Variants in CC2D2A observed in about 807,000 individuals in gnomAD.
CC2D2A encodes coiled-coil and C2 domain containing 2A.
Under a neutral mutation model 212.9 loss-of-function variants are expected in CC2D2A, and 155 were observed. That is an observed-to-expected ratio of 0.73 (90% CI 0.64 to 0.83). The LOEUF is 0.83. Ranked by LOEUF, CC2D2A falls within the 40% of genes least tolerant of loss-of-function variation. The pLI, the probability that CC2D2A is intolerant of heterozygous loss-of-function variation, is 0.00. For missense variants in CC2D2A, 1,856 were observed against 1,956.2 expected, an observed-to-expected ratio of 0.95 and a Z score of 0.97; for synonymous variants, 667 against 686.5, an observed-to-expected ratio of 0.97 and a Z score of 0.44.
chr4:15,554,767 C>T (rs1719194347), intron 19 of CC2D2A, among the ~76,000 whole-genome samples: 1 of 152,216 alleles, frequency 6.6e-6, no homozygotes, highest in Non-Finnish European at 1.5e-5. Context: ...TGTGGGCTTC[C>T]AGCACCAGAT....
intron 6 of CC2D2A, among the ~76,000 whole-genome samples, chr4:15,507,792 G>T (rs897973979): frequency 2.0e-5 from 3 of 152,196 alleles, no homozygotes; most frequent in African/African-American, 7.2e-5. Context: ...AAAGTCTGTT[G>T]GGCCCGCAGA....
At chr4:15,526,476 T>C (rs1717515983) in intron 11 of CC2D2A, among the ~76,000 whole-genome samples, 1 of 152,204 alleles carries the variant, frequency 6.6e-6, no homozygotes, top group African/African-American at 2.4e-5. Flanking sequence ...TTGCTGAACA[T>C]GTTACCCATA....
Position 15,533,310 on chromosome 4 carries a change from T to C in CC2D2A, c.1584T>C (p.Thr528=). 1.9e-6 allele frequency: 3 copies of C among 1,575,860 alleles called. No individual in the cohort carries two copies. The highest frequency in any genetic ancestry group is 2.6e-6 in the Non-Finnish European group (3 of 1,161,816). ...GAGAGTTCCAGAGATTTACAAATAC[T>C]CCCTTGAAACTTGTTTTGAGAAAGT... ...SLREFQRFTN[T]PLKLVLRKEK... The change falls in exon 14 of 37, where the codon ACT becomes ACC. Residue 528 remains threonine, a synonymous_variant. Transcript: ENST00000424120.
At chr4:15,597,860 G>A (rs934060650) in intron 35 of CC2D2A, among the ~76,000 whole-genome samples, 3 of 152,226 alleles carry the variant, frequency 2.0e-5, no homozygotes, top group African/African-American at 7.2e-5. Flanking sequence ...ATGAGTCTCT[G>A]TAATTCTCAT....
rs1057024311 is a variant in CC2D2A, at chr4:15,515,939, G to A, written c.952G>A (p.Val318Ile). 3 of 1,569,866 alleles carry A rather than the reference G, an allele frequency of 1.9e-6. No homozygotes were observed. Among genetic ancestry groups the A allele is most frequent in the Non-Finnish European group, 2.6e-6 (3 of 1,157,198 alleles). ...FLEDEGLYTG[V>I]RPEVARTNQN... ...GGAAGATGAAGGCCTTTACACCGGG[G>A]TAAGACCAGAGGTGGCACGCACCAA... The change falls in exon 10 of 37, where the codon GTA (valine) becomes ATA (isoleucine). Residue 318 changes from valine (V) to isoleucine (I), a missense_variant. By Grantham distance (29) the Val-to-Ile change is conservative. This residue lies in a region of CC2D2A where 1,512 missense variants were observed against 1,579.3 expected (regional missense o/e 0.96). Coordinates refer to ENST00000424120, the MANE Select transcript of CC2D2A (RefSeq NM_001378615.1).
At chr4:15,493,268 A>ATTTATTTATTTG in intron 4 of CC2D2A, among the ~76,000 whole-genome samples, 1 of 150,656 alleles carries the variant, frequency 6.6e-6, no homozygotes, top group Middle Eastern at 3.4e-3. Context: ...TTATTTATTT[A>ATTTATTTATTTG]TTTACTTACT....
intron 23 of CC2D2A, 109 bp from the exon 24 acceptor site, chr4:15,563,246 G>A: frequency 9.2e-7 from 1 of 1,083,594 alleles, no homozygotes; most frequent in Non-Finnish European, 1.3e-6. Flanking sequence ...AGGACAAGGA[G>A]TTTTTCAGGG....
intron 17 of CC2D2A, 49 bp downstream of exon 17, chr4:15,541,063 G>A: frequency 7.0e-7 from 1 of 1,436,792 alleles, no homozygotes; most frequent in South Asian, 1.5e-5. Context: ...GCTCATGCCT[G>A]TACTTTGGGA....
At chr4:15,574,519 A>T (rs1720311484) in intron 29 of CC2D2A, among the ~76,000 whole-genome samples, 193 bp downstream of exon 29, 1 of 152,230 alleles carries the variant, frequency 6.6e-6, no homozygotes, top group Admixed American at 6.5e-5. Context: ...TCACTGAACC[A>T]GTAATCGGGT....
chr4:15,478,839 TGTC>T (rs1023647045), intron 3 of CC2D2A, 33 bp downstream of exon 3: 1 of 1,506,908 alleles, frequency 6.6e-7, no homozygotes, highest in African/African-American at 1.4e-5. Context: ...GTCTGCGTAT[TGTC>T]ATTGATCAAC....
At position 15,559,188 on chromosome 4, in the gene CC2D2A, C is replaced by T; in HGVS notation, c.2853C>T (p.Asp951=). ...VFQDYEKRLR[D]RNVIETKEHI... ...AGGACTATGAGAAACGGTTACGAGA[C>T]AGAAATGTAATAGAAACCAAGGAAC... Residue 951 remains aspartate (D), a synonymous_variant, in exon 22 of 37, where the codon GAC becomes GAT. Coordinates refer to ENST00000424120, the MANE Select transcript of CC2D2A (RefSeq NM_001378615.1). 1 of 1,551,250 alleles carries T rather than the reference C, an allele frequency of 6.4e-7. No homozygotes were observed. Among genetic ancestry groups the T allele is most frequent in the Non-Finnish European group, 8.7e-7 (1 of 1,147,234 alleles).
intron 33 of CC2D2A, among the ~76,000 whole-genome samples, chr4:15,591,124 G>A (rs564988650): frequency 1.6e-4 from 24 of 151,878 alleles, no homozygotes; most frequent in Non-Finnish European, 2.8e-4. Flanking sequence ...ATATATTTTC[G>A]TATCAATATA....
At position 15,538,110 on chromosome 4, in the gene CC2D2A, G is replaced by A; in HGVS notation, c.1976G>A (p.Ser659Asn). 6.3e-7 allele frequency: 1 copy of A among 1,596,998 alleles called. No homozygotes were observed. The highest frequency in any genetic ancestry group is 8.5e-7 in the Non-Finnish European group (1 of 1,171,008). The change falls in exon 16 of 37, where the codon AGC (serine) becomes AAC (asparagine). Residue 659 changes from serine (S) to asparagine (N), a missense_variant. Physicochemically the swap from Ser to Asn is conservative, Grantham distance 46. This residue lies in a region of CC2D2A where 1,512 missense variants were observed against 1,579.3 expected (regional missense o/e 0.96). Transcript: ENST00000424120. The stretch of plus-strand genomic sequence containing the variant: ...GTCCCGGAGCTAAGCCTGGCAGGAA[G>A]CGTAACACCCAATGACCAGTGCCCC... The part of the protein sequence containing the change: ...TLVPELSLAG[S>N]VTPNDQCPRA...
At position 15,538,146 on chromosome 4, in the gene CC2D2A, A is replaced by C; in HGVS notation, c.2003+9A>C. 1 of 1,540,946 alleles carries C rather than the reference A, an allele frequency of 6.5e-7. No individual in the cohort carries two copies. The highest frequency in any genetic ancestry group is 8.8e-7 in the Non-Finnish European group (1 of 1,141,032). On this transcript the variant is annotated intron_variant, in intron 16 of 36. Coordinates refer to ENST00000424120, the MANE Select transcript of CC2D2A (RefSeq NM_001378615.1). ...AATGACCAGTGCCCCAGGTGAGTGG[A>C]TGCTCCGACCGTAAATGAGGCTGAC...
intron 20 of CC2D2A, 22 bp from the exon 21 acceptor site, chr4:15,557,282 T>C (rs770430644): frequency 1.3e-6 from 2 of 1,576,892 alleles, no homozygotes; most frequent in African/African-American, 2.7e-5. Flanking sequence ...ATCTGGAGTT[T>C]TGCATTTTCC....
At chr4:15,529,904 TTTATTA>T (rs199823724) in intron 13 of CC2D2A, among the ~76,000 whole-genome samples, 6,940 of 150,286 alleles carry the variant, frequency 0.046, 467 homozygotes, top group East Asian at 0.25. Context: ...TTTTTTTAAT[TTTATTA>T]TTATTAAGTT....
rs760513186 is a variant in CC2D2A at position 15,502,889 on chromosome 4, G to A, written c.404G>A (p.Ser135Asn). Residue 135 changes from serine to asparagine, a missense_variant, in exon 6 of 37, where the codon AGT (serine) becomes AAT (asparagine). Physicochemically the swap from Ser to Asn is conservative, Grantham distance 46 (BLOSUM62 1). Around this residue, in one of 5 missense-constraint regions of CC2D2A, gnomAD observed 1,512 missense variants for 1,579.3 expected, o/e 0.96. Transcript: ENST00000424120. ...TPRPRRLRSPSKKELETEFGT... is the reference protein window; with the variant it reads ...TPRPRRLRSPNKKELETEFGT... ...CGGCCCAGACGCTTACGAAGTCCCA[G>A]TAAGAAAGAATTGGAGACTGAATTT... The A allele has an allele frequency of 6.2e-7, 1 of 1,611,128 alleles. No homozygotes were observed. The highest frequency in any genetic ancestry group is 1.1e-5 in the South Asian group (1 of 90,118).
chr4:15,559,553 G>C (rs556673330), intron 22 of CC2D2A, among the ~76,000 whole-genome samples: 4 of 152,142 alleles, frequency 2.6e-5, no homozygotes, highest in African/African-American at 4.8e-5. Context: ...GTTGCATTGC[G>C]TTACAATGAT....
chr4:15,483,863 T>C (rs1417151938), intron 4 of CC2D2A, among the ~76,000 whole-genome samples: 1 of 152,210 alleles, frequency 6.6e-6, no homozygotes, highest in Non-Finnish European at 1.5e-5. Context: ...TTATTAAGCT[T>C]GTGATTGAAA....
Sources: allele counts gnomAD v4.1 joint callset (sites outside exome capture counted in the v4.1 genomes callset), GRCh38; gene constraint gnomAD v4.1.1; regional missense constraint gnomAD v4.1.1; transcripts MANE v1.5; gene names NCBI Gene and HGNC (gene_info 2026-07-23, HGNC 2026-07-21).